TMEM132D: variants seen among roughly 807,000 people sequenced by gnomAD.
TMEM132D encodes the protein mature OL transmembrane protein.
In TMEM132D, 21 loss-of-function variants were observed where a neutral mutation model predicts 62.3. The ratio of observed to expected loss-of-function variants is 0.34; its 90% CI spans 0.24 to 0.49. The LOEUF is 0.49. Ranked by LOEUF, TMEM132D falls within the 20% of genes least tolerant of loss-of-function variation. TMEM132D has a pLI of 0.99. For missense variants in TMEM132D, 1,346 were observed against 1,402.8 expected, an observed-to-expected ratio of 0.96 and a Z score of 0.65; for synonymous variants, 621 against 575.6, an observed-to-expected ratio of 1.08 and a Z score of -1.13.
intron 5 of TMEM132D, among the ~76,000 whole-genome samples, chr12:129,092,540 A>G (rs1223706352): frequency 6.6e-6 from 1 of 152,008 alleles, no homozygotes; most frequent in Non-Finnish European, 1.5e-5. Context: ...TTAAAAATAC[A>G]AAAAAATTAG....
chr12:129,259,565 G>A (rs914717078), intron 4 of TMEM132D, among the ~76,000 whole-genome samples: 1 of 152,144 alleles, frequency 6.6e-6, no homozygotes, highest in Admixed American at 6.5e-5. Flanking sequence ...GCAGGTTTAG[G>A]CATGAAAGTT....
chr12:129,813,155 G>C lies in TMEM132D; in HGVS notation c.79+90106C>G, dbSNP rs566744328. On this transcript the variant is annotated intron_variant, in intron 1 of 8. Transcript: ENST00000422113. ...TCTGTAAATCTTATTAATTTCACCTGCTAAATATCTCTGGAATCTGTCCAA... is the reference window on the plus strand; with the variant it reads ...TCTGTAAATCTTATTAATTTCACCTCCTAAATATCTCTGGAATCTGTCCAA... Among the ~76,000 whole-genome samples the C allele has an allele frequency of 1.2e-3, 189 of 151,744 alleles. 1 individual carries two copies. The highest frequency in any genetic ancestry group is 4.4e-3 in the African/African-American group (184 of 41,396).
At chr12:129,588,717 G>A (rs1968732602) in intron 2 of TMEM132D, among the ~76,000 whole-genome samples, 1 of 146,926 alleles carries the variant, frequency 6.8e-6, no homozygotes, top group South Asian at 2.2e-4. Context: ...TGGGACTACA[G>A]GCACCTGCCA....
intron 5 of TMEM132D, among the ~76,000 whole-genome samples, chr12:129,200,891 G>A (rs1467704040): frequency 6.6e-6 from 1 of 152,168 alleles, no homozygotes; most frequent in Non-Finnish European, 1.5e-5. Context: ...TAAGCGTTGT[G>A]CTCCCATCCC....
intron 2 of TMEM132D, among the ~76,000 whole-genome samples, chr12:129,622,536 A>G (rs190891845): frequency 1.3e-5 from 2 of 152,326 alleles, no homozygotes; most frequent in African/African-American, 4.8e-5. Context: ...TACATATAGA[A>G]AAGTCCAGGT....
chr12:129,351,699 T>G (rs1259279250), intron 3 of TMEM132D, among the ~76,000 whole-genome samples: 1 of 152,260 alleles, frequency 6.6e-6, no homozygotes, highest in Non-Finnish European at 1.5e-5. Context: ...TTAGTTTACT[T>G]GGAATGATTT....
At chr12:129,380,429 C>T (rs10773645) in intron 3 of TMEM132D, among the ~76,000 whole-genome samples, 100,543 of 151,936 alleles carry the variant, frequency 0.66, 33,759 homozygotes, top group Non-Finnish European at 0.72. Flanking sequence ...TAGAAAAAGA[C>T]CCGTTTGCCC....
intron 3 of TMEM132D, among the ~76,000 whole-genome samples, chr12:129,509,440 G>A (rs1185433036): frequency 1.3e-5 from 2 of 152,006 alleles, no homozygotes; most frequent in African/African-American, 2.4e-5. Flanking sequence ...AGAGAATAGG[G>A]TGTCCATCCC....
chr12:129,709,903 T>C (rs1277971590), intron 1 of TMEM132D, among the ~76,000 whole-genome samples: 1 of 152,230 alleles, frequency 6.6e-6, no homozygotes, highest in Admixed American at 6.5e-5. Flanking sequence ...ACACAAAAAT[T>C]GTAATCTCTT....
Position 129,711,159 on chromosome 12 carries a change from C to A in TMEM132D, c.80-10461G>T, listed in dbSNP as rs534485692. ...TAACGCTTCATTGGCCCCCTAAATA[C>A]ACTTGCATTGGTCCCCCTAAAACCT... On this transcript the variant is annotated intron_variant, in intron 1 of 8. Coordinates refer to ENST00000422113, the MANE Select transcript of TMEM132D (RefSeq NM_133448.3). Among the ~76,000 whole-genome samples the A allele has an allele frequency of 1.9e-3, 293 of 152,320 alleles. 1 individual carries two copies. Among genetic ancestry groups the A allele is most frequent in the African/African-American group, 6.8e-3 (282 of 41,582 alleles).
chr12:129,147,677 G>T (rs1053906922), intron 5 of TMEM132D, among the ~76,000 whole-genome samples: 1 of 152,032 alleles, frequency 6.6e-6, no homozygotes, highest in Admixed American at 6.6e-5. Flanking sequence ...ATTCTTCTAG[G>T]GCATCATATC....
chr12:129,432,506 A>G (rs1317841202), intron 3 of TMEM132D, among the ~76,000 whole-genome samples: 1 of 152,240 alleles, frequency 6.6e-6, no homozygotes, highest in East Asian at 1.9e-4. Flanking sequence ...ATACGGGTGT[A>G]TAAGTAAGAC....
rs1223487230 is a variant in TMEM132D, at chr12:129,803,075, C to A, written c.79+100186G>T. On this transcript the variant is annotated intron_variant, in intron 1 of 8. Transcript: ENST00000422113. ...TGACCTACAAAGAGACTTAGACTCC[C>A]ACACATTAATAATGGGAGACTTTAA... Among the ~76,000 whole-genome samples, 4 of 151,066 alleles carry A rather than the reference C, an allele frequency of 2.6e-5. No homozygotes were observed. The South Asian group carries it at 8.4e-4, about 32-fold the overall frequency.
At chr12:129,105,336 T>A (rs1875459247) in intron 5 of TMEM132D, among the ~76,000 whole-genome samples, 1 of 137,726 alleles carries the variant, frequency 7.3e-6, no homozygotes, top group Non-Finnish European at 1.5e-5. Context: ...AGGTGGGAAT[T>A]GAACAATGAG....
chr12:129,691,474 A>G (rs1755825725), intron 2 of TMEM132D, among the ~76,000 whole-genome samples: 1 of 152,114 alleles, frequency 6.6e-6, no homozygotes, highest in African/African-American at 2.4e-5. Context: ...AAAATTACCA[A>G]TAACAAAAAT....
intron 5 of TMEM132D, among the ~76,000 whole-genome samples, chr12:129,133,258 G>T (rs951118920): frequency 6.6e-6 from 1 of 152,308 alleles, no homozygotes; most frequent in South Asian, 2.1e-4. Flanking sequence ...GTAGGCACAG[G>T]CTGTAGCAAA....
chr12:129,697,813 C>T (rs1026032503), intron 2 of TMEM132D, among the ~76,000 whole-genome samples: 2 of 152,008 alleles, frequency 1.3e-5, no homozygotes, highest in Admixed American at 1.3e-4. Flanking sequence ...TAAAAGCCAC[C>T]CTTGGACCCT....
chr12:129,657,411 C>G (rs910801606), intron 2 of TMEM132D, among the ~76,000 whole-genome samples: 5 of 152,120 alleles, frequency 3.3e-5, no homozygotes, highest in Non-Finnish European at 7.3e-5. Flanking sequence ...GCTGATCTCA[C>G]ATTTCCACCG....
chr12:129,322,544 G>A (rs866570188), intron 4 of TMEM132D, among the ~76,000 whole-genome samples: 2 of 152,108 alleles, frequency 1.3e-5, no homozygotes, highest in Middle Eastern at 6.8e-3. Flanking sequence ...GTTTCTCGGT[G>A]GTTGAATTGC....
Sources: allele counts gnomAD v4.1 joint callset (sites outside exome capture counted in the v4.1 genomes callset), GRCh38; gene constraint gnomAD v4.1.1; transcripts MANE v1.5; gene names NCBI Gene and HGNC (gene_info 2026-07-23, HGNC 2026-07-21).